SHC3: variants seen among roughly 807,000 people sequenced by gnomAD.
SHC3 encodes SHC adaptor protein 3.
In SHC3, 15 loss-of-function variants were observed where a neutral mutation model predicts 60.4. The ratio of observed to expected loss-of-function variants is 0.25; its 90% CI spans 0.17 to 0.38. SHC3 has a LOEUF of 0.38. SHC3 is among the 10% of genes least tolerant of loss of function. The probability of loss-of-function intolerance (pLI) is 1.00; values close to 1 mark genes in which losing one functional copy is unlikely to be tolerated. For missense variants in SHC3, 677 were observed against 786.1 expected (o/e 0.86, Z 1.66); for synonymous variants, 294 against 325.9 (o/e 0.90, Z 1.05).
At chr9:89,111,583 A>G (rs1006437097) in intron 2 of SHC3, among the ~76,000 whole-genome samples, 8 of 139,854 alleles carry the variant, frequency 5.7e-5, no homozygotes, top group Admixed American at 4.3e-4. Flanking sequence ...TAGGAAAGAG[A>G]AAAAAAAAAA....
At chr9:89,054,853 A>G (rs1217530075) in intron 6 of SHC3, among the ~76,000 whole-genome samples, 2 of 152,200 alleles carry the variant, frequency 1.3e-5, no homozygotes, top group East Asian at 3.8e-4. Flanking sequence ...ATTTACTTAA[A>G]AGCAGGGATC....
At chr9:89,056,787 C>G (rs1361196842) in intron 6 of SHC3, among the ~76,000 whole-genome samples, 1 of 152,286 alleles carries the variant, frequency 6.6e-6, no homozygotes, top group Non-Finnish European at 1.5e-5. Flanking sequence ...CTCCAGCCTT[C>G]ATGTCCCACA....
intron 1 of SHC3, among the ~76,000 whole-genome samples, chr9:89,158,362 C>A (rs1199612750): frequency 6.6e-6 from 1 of 151,950 alleles, no homozygotes; most frequent in East Asian, 1.9e-4. Flanking sequence ...AATTGAATTT[C>A]ATTGTGATCA....
rs149144823 is a variant in SHC3 at position 89,092,320 on chromosome 9, A to G, written c.546-14417T>C. Among the ~76,000 whole-genome samples the G allele has an allele frequency of 3.6e-3, 547 of 152,324 alleles. 3 individuals are homozygous for G. Among genetic ancestry groups the G allele is most frequent in the African/African-American group, 0.012 (514 of 41,576 alleles). ...TCATACAGCCATATGATTTGCAACT[A>G]TAAAAAATCAGGTTTGGCCTGGCGC... On this transcript the variant is annotated intron_variant, in intron 2 of 11. Coordinates refer to ENST00000375835, the MANE Select transcript of SHC3 (RefSeq NM_016848.6).
At chr9:89,077,784 G>A in intron 3 of SHC3, 56 bp downstream of exon 3, 4 of 1,594,404 alleles carry the variant, frequency 2.5e-6, no homozygotes, top group Non-Finnish European at 3.4e-6. Flanking sequence ...ATACCGAGTG[G>A]CAAAAAAGAG....
At chr9:89,019,909 G>A (rs1826169745) in intron 11 of SHC3, among the ~76,000 whole-genome samples, 1 of 152,162 alleles carries the variant, frequency 6.6e-6, no homozygotes, top group East Asian at 1.9e-4. Flanking sequence ...AGCACTGGGT[G>A]GGACTCGGTT....
rs1381320963 is a variant in SHC3 at position 89,166,652 on chromosome 9, A to T, written c.474+11335T>A. On this transcript the variant is annotated intron_variant, in intron 1 of 11. Transcript: ENST00000375835. ...GGGGGCACCAATGAACCTTTTCCAG[A>T]TCACTATCCACAGACTGGGAGAAGC... Among the ~76,000 whole-genome samples, 4 of 152,208 alleles carry T rather than the reference A, an allele frequency of 2.6e-5. No homozygotes were observed. In the East Asian group the frequency reaches 7.8e-4, roughly 29 times the overall value.
chr9:89,131,363 A>T (rs1564167528), intron 1 of SHC3, among the ~76,000 whole-genome samples: 1 of 152,222 alleles, frequency 6.6e-6, no homozygotes, highest in Non-Finnish European at 1.5e-5. Flanking sequence ...TTCTGAAACT[A>T]TTCCAATCAA....
chr9:89,074,691 C>CAAAAAAAAAAAAAAAAAAAAA (rs68051828), intron 4 of SHC3, among the ~76,000 whole-genome samples: 8 of 59,924 alleles, frequency 1.3e-4, no homozygotes, highest in Non-Finnish European at 1.7e-4. Context: ...GCCACTAAAG[C>CAAAAAAAAAAAAAAAAAAAAA]AAAAAAAAAA....
rs1297078140 is a variant in SHC3 at position 89,085,750 on chromosome 9, ACACACATTGG to A, written c.546-7857_546-7848del. ...GTAACACTGAACCCACCTCCCAAAG[ACACACATTGG>A]CTCTCCAAAATAAGGACACAGGGCT... On this transcript the variant is annotated intron_variant, in intron 2 of 11. Coordinates refer to ENST00000375835, the MANE Select transcript of SHC3 (RefSeq NM_016848.6). Among the ~76,000 whole-genome samples the A allele has an allele frequency of 3.3e-5, 5 of 152,324 alleles. No individual in the cohort carries two copies. In the Middle Eastern group the frequency reaches 0.01, roughly 311 times the overall value.
chr9:89,150,637 G>A (rs1009795449), intron 1 of SHC3, among the ~76,000 whole-genome samples: 3 of 152,090 alleles, frequency 2.0e-5, no homozygotes, highest in Non-Finnish European at 2.9e-5. Context: ...GTTTCTATTT[G>A]GGGGCTATTG....
chr9:89,078,079 C>T (rs527342532), intron 2 of SHC3, among the ~76,000 whole-genome samples, 176 bp from the exon 3 acceptor site: 7 of 149,032 alleles, frequency 4.7e-5, no homozygotes, highest in Non-Finnish European at 7.4e-5. Context: ...CTAAACAAAA[C>T]GCAAACAGGT....
intron 1 of SHC3, among the ~76,000 whole-genome samples, chr9:89,129,076 CT>C (rs1359410117): frequency 6.6e-6 from 1 of 152,098 alleles, no homozygotes; most frequent in Non-Finnish European, 1.5e-5. Context: ...CCTGATGGAG[CT>C]AAAAACCATG....
chr9:89,138,769 T>A (rs562354902), intron 1 of SHC3, among the ~76,000 whole-genome samples: 15 of 152,282 alleles, frequency 9.9e-5, no homozygotes, highest in African/African-American at 3.4e-4. Flanking sequence ...GGGATAAAGA[T>A]CCATCTTCTG....
chr9:89,053,036 G>T (rs1426982460), intron 6 of SHC3, among the ~76,000 whole-genome samples: 1 of 152,158 alleles, frequency 6.6e-6, no homozygotes, highest in African/African-American at 2.4e-5. Context: ...TTTCTCCAGG[G>T]TACTGGAAAA....
chr9:89,133,852 T>A (rs924992079), intron 1 of SHC3, among the ~76,000 whole-genome samples: 4 of 152,144 alleles, frequency 2.6e-5, no homozygotes, highest in Non-Finnish European at 5.9e-5. Flanking sequence ...ATGGCACATG[T>A]ATACATATGT....
chr9:89,169,334 C>T (rs1826836233), intron 1 of SHC3, among the ~76,000 whole-genome samples: 1 of 152,152 alleles, frequency 6.6e-6, no homozygotes, highest in African/African-American at 2.4e-5. Flanking sequence ...TCCAGGACGT[C>T]TGAGCACATA....
At chr9:89,164,114 T>C (rs150558265) in intron 1 of SHC3, among the ~76,000 whole-genome samples, 1 of 152,270 alleles carries the variant, frequency 6.6e-6, no homozygotes, top group Admixed American at 6.5e-5. Context: ...CATATCAAAA[T>C]TCATGGTCTG....
intron 2 of SHC3, among the ~76,000 whole-genome samples, chr9:89,094,116 AAAAAG>A (rs1219489522): frequency 6.6e-6 from 1 of 151,804 alleles, no homozygotes; most frequent in African/African-American, 2.4e-5. Flanking sequence ...AAAAAAAAAA[AAAAAG>A]AAAAGAAAAG....
Sources: allele counts gnomAD v4.1 joint callset (sites outside exome capture counted in the v4.1 genomes callset), GRCh38; gene constraint gnomAD v4.1.1; transcripts MANE v1.5; gene names NCBI Gene and HGNC (gene_info 2026-07-23, HGNC 2026-07-21).